TXNDC11: variants seen among roughly 807,000 people sequenced by gnomAD.
TXNDC11 encodes the protein thioredoxin domain containing 11.
TXNDC11 carries 68 observed loss-of-function variants against 78.0 expected under a neutral mutation model. The observed-to-expected ratio is 0.87, with a 90% CI of 0.72 to 1.07. The LOEUF (loss-of-function observed/expected upper bound fraction) is 1.07. Among genes scored for constraint, TXNDC11 ranks in the 50% least tolerant of loss-of-function variants. The pLI, the probability that TXNDC11 is intolerant of heterozygous loss-of-function variation, is 0.00. For missense variants in TXNDC11, 1,389 were observed against 1,221.8 expected (o/e 1.14, Z -2.04); for synonymous variants, 571 against 495.2 (o/e 1.15, Z -2.03).
chr16:11,718,730 T>A (rs957091576), intron 5 of TXNDC11, among the ~76,000 whole-genome samples: 2 of 152,150 alleles, frequency 1.3e-5, no homozygotes, highest in African/African-American at 2.4e-5. Context: ...ATTAATTAAT[T>A]AATTAATCTC....
At chr16:11,703,595 G>C in intron 5 of TXNDC11, 1 of 678,834 alleles carries the variant, frequency 1.5e-6, no homozygotes, top group East Asian at 2.7e-5. Flanking sequence ...GCACATGTGT[G>C]GGTATAATAC....
intron 5 of TXNDC11, among the ~76,000 whole-genome samples, chr16:11,707,923 A>C (rs1330532717): frequency 6.6e-6 from 1 of 151,872 alleles, no homozygotes; most frequent in African/African-American, 2.4e-5. Flanking sequence ...GCTCTAAAAA[A>C]ATTTTTAAAA....
intron 9 of TXNDC11, 93 bp downstream of exon 9, chr16:11,688,210 C>A: frequency 7.2e-7 from 1 of 1,396,728 alleles, no homozygotes; most frequent in Non-Finnish European, 9.9e-7. Flanking sequence ...CTCTTCTATA[C>A]ATCAAAAACA....
chr16:11,712,828 C>T (rs1322736436), intron 5 of TXNDC11, among the ~76,000 whole-genome samples: 1 of 151,716 alleles, frequency 6.6e-6, no homozygotes, highest in Non-Finnish European at 1.5e-5. Flanking sequence ...TGGTGGACGC[C>T]TGTAATCCCG....
At chr16:11,694,097 CTTTTTTTTTTTTT>C (rs535913245) in intron 7 of TXNDC11, among the ~76,000 whole-genome samples, 14 of 85,690 alleles carry the variant, frequency 1.6e-4, no homozygotes, top group African/African-American at 4.9e-4. Flanking sequence ...TACAGCAATG[CTTTTTTTTTTTTT>C]TTTTTTTTTT....
chr16:11,735,514 CT>C (rs143209048), intron 2 of TXNDC11, among the ~76,000 whole-genome samples: 1,704 of 152,302 alleles, frequency 0.011, 40 homozygotes, highest in African/African-American at 0.039. Context: ...CTGGGGTCCA[CT>C]GGGCTGAAAA....
chr16:11,723,958 C>A (rs1401424940), intron 4 of TXNDC11, among the ~76,000 whole-genome samples: 1 of 152,090 alleles, frequency 6.6e-6, no homozygotes, highest in African/African-American at 2.4e-5. Context: ...ATACTGTTAG[C>A]ATTTGGTGAG....
At chr16:11,700,351 A>G (rs2050977164) in intron 6 of TXNDC11, 101 bp downstream of exon 6, 6 of 557,696 alleles carry the variant, frequency 1.1e-5, no homozygotes, top group Non-Finnish European at 3.2e-6. Context: ...GCGCTTTTCT[A>G]GAGAGTGTCC....
In TXNDC11 at chr16:11,684,256, G is replaced by A; in HGVS notation, c.2154-11C>T. Reference sequence around the variant, plus strand: ...TGAGACACGTCAATCCTGGTAAAGGGAAAGAACAGAAATGGCAGATGATCA... The same window carrying A: ...TGAGACACGTCAATCCTGGTAAAGGAAAAGAACAGAAATGGCAGATGATCA... On this transcript the variant is annotated splice_polypyrimidine_tract_variant and intron_variant, in intron 10 of 11. Coordinates refer to ENST00000283033, the MANE Select transcript of TXNDC11 (RefSeq NM_015914.7). The A allele has an allele frequency of 6.2e-7, 1 of 1,603,166 alleles. No homozygotes were observed. The highest frequency in any genetic ancestry group is 8.5e-7 in the Non-Finnish European group (1 of 1,170,752).
Position 11,710,101 on chromosome 16 carries a change from C to T in TXNDC11, c.794-9537G>A, listed in dbSNP as rs139175282. ...GAGACTGCAGCGAGCCAAGATCACA[C>T]CACTGCACTCTAGACTCAGTGACAG... On this transcript the variant is annotated intron_variant, in intron 5 of 11. Transcript: ENST00000283033. Among the ~76,000 whole-genome samples, 446 of 152,244 alleles carry T rather than the reference C, an allele frequency of 2.9e-3. 1 individual carries two copies. Among genetic ancestry groups the T allele is most frequent in the African/African-American group, 0.01 (426 of 41,532 alleles).
chr16:11,683,208 G>T (rs1187110630), intron 11 of TXNDC11, among the ~76,000 whole-genome samples: 2 of 152,210 alleles, frequency 1.3e-5, no homozygotes, highest in Non-Finnish European at 2.9e-5. Flanking sequence ...TTTACTAACT[G>T]GAAGTCCGCT....
intron 5 of TXNDC11, among the ~76,000 whole-genome samples, chr16:11,709,291 G>A (rs755287909): frequency 8.3e-5 from 12 of 144,920 alleles, no homozygotes; most frequent in Admixed American, 7.0e-4. Context: ...TCGCACTGTC[G>A]CCCAGGCCTG....
intron 7 of TXNDC11, among the ~76,000 whole-genome samples, chr16:11,695,239 G>A (rs936416020): frequency 6.6e-6 from 1 of 152,156 alleles, no homozygotes; most frequent in African/African-American, 2.4e-5. Context: ...ACACATGCAG[G>A]TATGCATGTG....
chr16:11,727,734 C>T (rs1366683836), intron 4 of TXNDC11, among the ~76,000 whole-genome samples: 1 of 143,174 alleles, frequency 7.0e-6, no homozygotes, highest in African/African-American at 2.6e-5. Context: ...CTTCTCTCTA[C>T]TGCCACCATT....
chr16:11,742,549 T>C lies in TXNDC11; in HGVS notation c.182A>G (p.Gln61Arg). Residue 61 changes from glutamine to arginine, a missense_variant, in exon 1 of 12, where the codon CAG becomes CGG. By Grantham distance (43) the Gln-to-Arg change is conservative (BLOSUM62 1). Transcript: ENST00000283033. Reference sequence around the variant, plus strand: ...GGCCCCGCAGAGCAGCTCCGGCCGCTGGCGCGCCATGAGGAAGGCGCCACG... The same window carrying C: ...GGCCCCGCAGAGCAGCTCCGGCCGCCGGCGCGCCATGAGGAAGGCGCCACG... The part of the protein sequence containing the change: ...GLRGAFLMAR[Q>R]RPELLCGAVA... 1.4e-6 allele frequency: 2 copies of C among 1,454,930 alleles called. No individual in the cohort carries two copies. Among genetic ancestry groups the C allele is most frequent in the Non-Finnish European group, 9.0e-7 (1 of 1,110,694 alleles). 90.1% of individuals were successfully genotyped at this position (1,454,930 alleles called of 1,614,324 possible).
At position 11,742,482 on chromosome 16, in the gene TXNDC11, G is replaced by C; in HGVS notation, c.249C>G (p.Thr83=). The change falls in exon 1 of 12, where the codon ACC becomes ACG. Residue 83 remains threonine (T), a synonymous_variant. Coordinates refer to ENST00000283033, the MANE Select transcript of TXNDC11 (RefSeq NM_015914.7). ...GCALLLALKF[T]CSRAKDVIIP... is the part of the protein sequence containing the mutation. ...CAGGGTCCGGGCCGCCTCACCTGCA[G>C]GTGAACTTGAGGGCGAGGAGCAGCG... The C allele has an allele frequency of 6.9e-7, 1 of 1,443,278 alleles. No individual in the cohort carries two copies. The allele number at this position is 1,443,278 out of a possible 1,614,324, so 89.4% of individuals were successfully genotyped here. A position where few individuals can be genotyped will look rare whatever the true frequency, so the allele number is the denominator to read the frequency against.
chr16:11,685,605 C>G (rs2050547121), intron 10 of TXNDC11, among the ~76,000 whole-genome samples: 2 of 151,460 alleles, frequency 1.3e-5, no homozygotes, highest in Non-Finnish European at 2.9e-5. Flanking sequence ...GCTGAGATTG[C>G]ACCTCTGCAC....
intron 5 of TXNDC11, among the ~76,000 whole-genome samples, chr16:11,714,951 T>G (rs1417538554): frequency 6.6e-6 from 1 of 152,154 alleles, no homozygotes; most frequent in Non-Finnish European, 1.5e-5. Context: ...AACAATATTT[T>G]GGTTAATAGT....
intron 1 of TXNDC11, 127 bp downstream of exon 1, chr16:11,742,350 T>G: frequency 1.4e-6 from 1 of 712,732 alleles, no homozygotes; most frequent in South Asian, 3.7e-5. Flanking sequence ...CCGGGAGGGG[T>G]CAGCCGTCCT....
Sources: allele counts gnomAD v4.1 joint callset (sites outside exome capture counted in the v4.1 genomes callset), GRCh38; gene constraint gnomAD v4.1.1; transcripts MANE v1.5; gene names NCBI Gene and HGNC (gene_info 2026-07-23, HGNC 2026-07-21).